The following TASP1 variants were observed in gnomAD, a reference collection of about 807,000 sequenced individuals.
TASP1 encodes the protein taspase 1, also known as threonine aspartase 1.
In TASP1, 16 loss-of-function variants were observed where a neutral mutation model predicts 56.6. That is an observed-to-expected ratio of 0.28 (90% CI 0.19 to 0.43). TASP1 has a LOEUF of 0.43. TASP1 is among the 20% of genes least tolerant of loss of function. The pLI is 1.00. For missense variants in TASP1, 393 were observed against 511.6 expected (o/e 0.77, Z 2.24); for synonymous variants, 179 against 184.2 (o/e 0.97, Z 0.23).
At chr20:13,272,401 GA>G in the TASP1 span, among the ~76,000 whole-genome samples, 3 of 152,200 alleles carry the variant, frequency 2.0e-5, no homozygotes, top group Admixed American at 2.0e-4. Context: ...ATAGGAAATT[GA>G]AAAATGTAAG....
intron 2 of TASP1, among the ~76,000 whole-genome samples, chr20:13,628,251 C>T (rs929640649): frequency 2.0e-5 from 3 of 152,110 alleles, no homozygotes; most frequent in Non-Finnish European, 2.9e-5. Context: ...TAAGGCTTTC[C>T]AACTAATTGA....
At chr20:13,617,802 A>G (rs529625933) in intron 4 of TASP1, among the ~76,000 whole-genome samples, 2 of 152,250 alleles carry the variant, frequency 1.3e-5, no homozygotes, top group South Asian at 4.2e-4. Flanking sequence ...AAAACTTGTT[A>G]TAAGTTTGGT....
At chr20:13,188,672 A>G in the TASP1 span, among the ~76,000 whole-genome samples, 2 of 152,192 alleles carry the variant, frequency 1.3e-5, no homozygotes, top group Admixed American at 6.5e-5. Context: ...TCTCCACAGA[A>G]ATAGAAAGAA....
At chr20:13,518,855 C>T (rs551912162) in intron 10 of TASP1, among the ~76,000 whole-genome samples, 2 of 152,188 alleles carry the variant, frequency 1.3e-5, no homozygotes, top group South Asian at 4.2e-4. Context: ...ATAAATTGTT[C>T]TACCAAAAAG....
the TASP1 span, among the ~76,000 whole-genome samples, chr20:13,179,476 G>C: frequency 6.7e-6 from 1 of 149,338 alleles, no homozygotes; most frequent in African/African-American, 2.5e-5. Flanking sequence ...ACAATTTGGA[G>C]AAAAAATACC....
chr20:13,585,010 A>G lies in TASP1; in HGVS notation c.403+2240T>C, dbSNP rs191292632. 1.3e-3 allele frequency among the ~76,000 whole-genome samples: 204 copies of G among 152,142 alleles called. 2 individuals are homozygous for G. The Middle Eastern group carries it at 0.017, about 13-fold the overall frequency. On this transcript the variant is annotated intron_variant, in intron 5 of 13. Coordinates refer to ENST00000337743, the MANE Select transcript of TASP1 (RefSeq NM_017714.3). ...TACAAACCTTTTCAAAGAATGGGGG[A>G]AAAAAAAGTACCCAACTCATTTTTG...
chr20:13,373,817 T>C, the TASP1 span, among the ~76,000 whole-genome samples: 1 of 152,170 alleles, frequency 6.6e-6, no homozygotes, highest in Non-Finnish European at 1.5e-5. Context: ...AGCTGCTATT[T>C]CTTCAAATAC....
chr20:13,308,313 G>A, the TASP1 span, among the ~76,000 whole-genome samples: 10 of 152,178 alleles, frequency 6.6e-5, no homozygotes, highest in African/African-American at 2.2e-4. Flanking sequence ...GGGACCAAAT[G>A]AGGGTGTGAT....
At chr20:13,225,694 A>T in the TASP1 span, among the ~76,000 whole-genome samples, 1 of 152,216 alleles carries the variant, frequency 6.6e-6, no homozygotes, top group Non-Finnish European at 1.5e-5. Flanking sequence ...CAGTATTTTT[A>T]AAATATCTAG....
chr20:13,154,311 T>G, the TASP1 span, among the ~76,000 whole-genome samples: 161 of 152,176 alleles, frequency 1.1e-3, no homozygotes, highest in Non-Finnish European at 2.0e-3. Flanking sequence ...TTCCCACAGG[T>G]CTTATAGAAA....
intron 9 of TASP1, among the ~76,000 whole-genome samples, chr20:13,532,198 G>A (rs911502183): frequency 6.6e-6 from 1 of 152,130 alleles, no homozygotes; most frequent in African/African-American, 2.4e-5. Context: ...GAGCCACTGC[G>A]CCTGGCCTCA....
chr20:13,325,469 T>C, the TASP1 span, among the ~76,000 whole-genome samples: 2 of 152,262 alleles, frequency 1.3e-5, no homozygotes, highest in South Asian at 4.2e-4. Context: ...TTAGATGTCA[T>C]GAGAGGGTCC....
At chr20:13,574,163 G>A (rs2046818341) in intron 6 of TASP1, among the ~76,000 whole-genome samples, 1 of 151,632 alleles carries the variant, frequency 6.6e-6, no homozygotes, top group African/African-American at 2.4e-5. Context: ...AGACAGCCAG[G>A]AACAACAGCT....
the TASP1 span, chr20:13,288,760 G>A: frequency 2.1e-6 from 3 of 1,409,236 alleles, no homozygotes; most frequent in African/African-American, 2.9e-5. Context: ...TAGTGACATT[G>A]TCTTTTTAAA....
chr20:13,469,753 T>C (rs7273332), intron 11 of TASP1, among the ~76,000 whole-genome samples: 4,736 of 149,138 alleles, frequency 0.032, 256 homozygotes, highest in African/African-American at 0.11. Flanking sequence ...AGACGAACTA[T>C]TTATTTTCAA....
chr20:13,509,722 G>A (rs990684879), intron 10 of TASP1, among the ~76,000 whole-genome samples: 5 of 152,270 alleles, frequency 3.3e-5, no homozygotes, highest in East Asian at 1.9e-4. Context: ...ACCTTCCTGG[G>A]TTCAAGCGAT....
chr20:13,292,951 C>T, the TASP1 span, among the ~76,000 whole-genome samples: 651 of 152,214 alleles, frequency 4.3e-3, 6 homozygotes, highest in African/African-American at 0.015. Context: ...AATCCTAGCA[C>T]TTTGGGAGGC....
At chr20:13,250,200 G>A in the TASP1 span, among the ~76,000 whole-genome samples, 1 of 152,130 alleles carries the variant, frequency 6.6e-6, no homozygotes. Context: ...GGATTTCTGG[G>A]ATGGCCTAGG....
chr20:13,476,935 ATTT>A (rs2042969238), intron 11 of TASP1, among the ~76,000 whole-genome samples: 1 of 152,152 alleles, frequency 6.6e-6, no homozygotes, highest in Non-Finnish European at 1.5e-5. Flanking sequence ...AAGAAAAAAG[ATTT>A]TAGTGTTTGA....
Sources: allele counts gnomAD v4.1 joint callset (sites outside exome capture counted in the v4.1 genomes callset), GRCh38; gene constraint gnomAD v4.1.1; transcripts MANE v1.5; gene names NCBI Gene and HGNC (gene_info 2026-07-23, HGNC 2026-07-21).